Variants in VAT1L observed in about 807,000 individuals in gnomAD.
VAT1L encodes putative NADPH-dependent quinone oxidoreductase VAT1L.
VAT1L carries 34 observed loss-of-function variants against 44.1 expected under a neutral mutation model. The ratio of observed to expected loss-of-function variants is 0.77; its 90% CI spans 0.59 to 1.03. VAT1L has a LOEUF of 1.03. Ranked by LOEUF, VAT1L falls within the 50% of genes least tolerant of loss-of-function variation. VAT1L has a pLI of 0.00. For missense variants in VAT1L, 615 were observed against 538.8 expected, an observed-to-expected ratio of 1.14 and a Z score of -1.40; for synonymous variants, 253 against 202.2, an observed-to-expected ratio of 1.25 and a Z score of -2.13.
intron 3 of VAT1L, among the ~76,000 whole-genome samples, chr16:77,840,883 T>C (rs888929821): frequency 6.6e-6 from 1 of 152,230 alleles, no homozygotes; most frequent in African/African-American, 2.4e-5. Context: ...ACTGTGGTAT[T>C]GGAAATCATC....
chr16:77,853,362 A>C (rs1163319173), intron 3 of VAT1L, among the ~76,000 whole-genome samples: 1 of 152,206 alleles, frequency 6.6e-6, no homozygotes, highest in Non-Finnish European at 1.5e-5. Context: ...CAATGCCATA[A>C]TTGAGCAAAT....
At chr16:77,890,377 C>T (rs1299261093) in intron 7 of VAT1L, among the ~76,000 whole-genome samples, 1 of 152,006 alleles carries the variant, frequency 6.6e-6, no homozygotes, top group African/African-American at 2.4e-5. Context: ...CCCTTTGCTG[C>T]CAGGCAGAGG....
chr16:77,919,524 G>C (rs2017588409), intron 7 of VAT1L, among the ~76,000 whole-genome samples: 1 of 152,168 alleles, frequency 6.6e-6, no homozygotes, highest in South Asian at 2.1e-4. Flanking sequence ...AATGATGTGG[G>C]AATTTGCAAG....
chr16:77,935,634 G>C (rs2017786362), intron 7 of VAT1L, among the ~76,000 whole-genome samples: 2 of 151,898 alleles, frequency 1.3e-5, no homozygotes, highest in Non-Finnish European at 2.9e-5. Flanking sequence ...GGGGGGAAGA[G>C]AGAGAGAGAG....
chr16:77,881,011 A>C (rs2017148012), intron 6 of VAT1L, among the ~76,000 whole-genome samples: 1 of 152,136 alleles, frequency 6.6e-6, no homozygotes, highest in South Asian at 2.1e-4. Flanking sequence ...ATGGGCACCT[A>C]GGTTGATTCC....
At chr16:77,901,737 C>A (rs2017385925) in intron 7 of VAT1L, among the ~76,000 whole-genome samples, 1 of 152,162 alleles carries the variant, frequency 6.6e-6, no homozygotes, top group African/African-American at 2.4e-5. Context: ...ATCCCACTCC[C>A]ACTCAATCAG....
chr16:77,826,831 A>C (rs552375305), intron 3 of VAT1L, among the ~76,000 whole-genome samples: 1 of 152,320 alleles, frequency 6.6e-6, no homozygotes, highest in South Asian at 2.1e-4. Flanking sequence ...AGGTTTTGAG[A>C]GGTTCTCAGA....
intron 7 of VAT1L, among the ~76,000 whole-genome samples, chr16:77,964,918 G>C (rs1263016944): frequency 6.6e-6 from 1 of 150,850 alleles, no homozygotes; most frequent in Non-Finnish European, 1.5e-5. Flanking sequence ...AGCCTCCCGA[G>C]TAGCTGGGAT....
chr16:77,896,712 A>T (rs899273337), intron 7 of VAT1L, among the ~76,000 whole-genome samples: 11 of 152,226 alleles, frequency 7.2e-5, no homozygotes, highest in African/African-American at 2.7e-4. Flanking sequence ...AGACAACTTC[A>T]TCTACACCAG....
chr16:77,898,332 G>A (rs1077448), intron 7 of VAT1L, among the ~76,000 whole-genome samples: 123,224 of 152,042 alleles, frequency 0.81, 50,185 homozygotes, highest in Middle Eastern at 0.88. Context: ...AAAAGAGGGG[G>A]GGGACACAGT....
At chr16:77,923,150 C>T (rs1291201990) in intron 7 of VAT1L, among the ~76,000 whole-genome samples, 5 of 152,042 alleles carry the variant, frequency 3.3e-5, no homozygotes, top group South Asian at 2.1e-4. Context: ...TCTGAACATC[C>T]GTTAAAAGGA....
At chr16:77,864,804 A>G (rs946439444) in intron 4 of VAT1L, among the ~76,000 whole-genome samples, 1 of 152,098 alleles carries the variant, frequency 6.6e-6, no homozygotes, top group African/African-American at 2.4e-5. Flanking sequence ...AGCATTGCAT[A>G]TAATTTAAGG....
chr16:77,949,029 G>A (rs1223681717), intron 7 of VAT1L, among the ~76,000 whole-genome samples: 1 of 152,168 alleles, frequency 6.6e-6, no homozygotes, highest in African/African-American at 2.4e-5. Context: ...AAAGACATAA[G>A]ATCTATCAGT....
chr16:77,950,878 T>C (rs2018034079), intron 7 of VAT1L, among the ~76,000 whole-genome samples: 3 of 152,118 alleles, frequency 2.0e-5, no homozygotes, highest in Admixed American at 6.5e-5. Context: ...AATCAAATAA[T>C]GGATGAAGGG....
intron 2 of VAT1L, among the ~76,000 whole-genome samples, chr16:77,824,311 C>G (rs1450892343): frequency 6.6e-6 from 1 of 152,130 alleles, no homozygotes; most frequent in East Asian, 1.9e-4. Context: ...TTAGCTGGTT[C>G]TGGAGAGGAG....
At chr16:77,974,872 T>C (rs1190536502) in intron 8 of VAT1L, among the ~76,000 whole-genome samples, 1 of 151,988 alleles carries the variant, frequency 6.6e-6, no homozygotes, top group Admixed American at 6.6e-5. Flanking sequence ...CCGGGCCCCC[T>C]TGAAGGCTTT....
rs138762576 is a variant in VAT1L at position 77,927,206 on chromosome 16, C to T, written c.1077+42404C>T. On this transcript the variant is annotated intron_variant, in intron 7 of 8. Coordinates refer to ENST00000302536, the MANE Select transcript of VAT1L (RefSeq NM_020927.3). ...ACAAAAAATTAGCCAGGTGTGGTGGCGGGCACCTGTAGTCCCAGCTAGTCA... is the reference window on the plus strand; with the variant it reads ...ACAAAAAATTAGCCAGGTGTGGTGGTGGGCACCTGTAGTCCCAGCTAGTCA... 1.3e-4 allele frequency among the ~76,000 whole-genome samples: 20 copies of T among 151,868 alleles called. No individual in the cohort carries two copies. In the East Asian group the frequency reaches 3.7e-3, roughly 28 times the overall value.
intron 7 of VAT1L, among the ~76,000 whole-genome samples, chr16:77,926,730 C>G (rs1422753508): frequency 6.6e-6 from 1 of 152,192 alleles, no homozygotes; most frequent in African/African-American, 2.4e-5. Context: ...CCACTAATGA[C>G]TCTTCTGAGC....
At chr16:77,828,980 G>A (rs568689603) in intron 3 of VAT1L, among the ~76,000 whole-genome samples, 4 of 152,302 alleles carry the variant, frequency 2.6e-5, no homozygotes, top group Non-Finnish European at 4.4e-5. Context: ...ATGGGAAACC[G>A]ATACTACCAC....
Sources: allele counts gnomAD v4.1 joint callset (sites outside exome capture counted in the v4.1 genomes callset), GRCh38; gene constraint gnomAD v4.1.1; transcripts MANE v1.5; gene names NCBI Gene and HGNC (gene_info 2026-07-23, HGNC 2026-07-21).